Variants in DLGAP1 observed in about 807,000 individuals in gnomAD.
DLGAP1 encodes the protein DLG associated protein 1.
DLGAP1 carries 11 observed loss-of-function variants against 90.8 expected under a neutral mutation model. The observed-to-expected ratio is 0.12, with a 90% CI of 0.08 to 0.20. The LOEUF (loss-of-function observed/expected upper bound fraction) is 0.20, where lower values mean the gene tolerates loss of function less well. Among genes scored for constraint, DLGAP1 ranks in the 10% least tolerant of loss-of-function variants. The pLI, the probability that DLGAP1 is intolerant of heterozygous loss-of-function variation, is 1.00. For missense variants in DLGAP1, 1,050 were observed against 1,333.8 expected, an observed-to-expected ratio of 0.79 and a Z score of 3.31; for synonymous variants, 558 against 540.7, an observed-to-expected ratio of 1.03 and a Z score of -0.44.
intron 1 of DLGAP1, among the ~76,000 whole-genome samples, chr18:4,273,500 T>C (rs551512928): frequency 6.6e-6 from 1 of 152,362 alleles, no homozygotes; most frequent in South Asian, 2.1e-4. Context: ...TGGAGTGCAG[T>C]GGTGAGATCA....
At chr18:3,792,116 G>A (rs1474933550) in intron 5 of DLGAP1, among the ~76,000 whole-genome samples, 1 of 152,124 alleles carries the variant, frequency 6.6e-6, no homozygotes, top group Non-Finnish European at 1.5e-5. Context: ...CCTGTAACCA[G>A]CTGGCCCTGT....
At chr18:3,572,059 T>TTTC (rs1337449169) in intron 8 of DLGAP1, among the ~76,000 whole-genome samples, 14 of 149,708 alleles carry the variant, frequency 9.4e-5, no homozygotes, top group African/African-American at 3.4e-4. Context: ...TTTTCAGTGG[T>TTTC]TTCTTCTAGG....
chr18:3,995,284 C>A (rs1599290022), intron 3 of DLGAP1: 1 of 151,866 alleles, frequency 6.6e-6, no homozygotes, highest in Non-Finnish European at 1.5e-5. Flanking sequence ...GACTGTGCTG[C>A]AAAGAAGCCC....
chr18:3,909,612 T>C (rs2071988662), intron 3 of DLGAP1, among the ~76,000 whole-genome samples: 2 of 152,190 alleles, frequency 1.3e-5, no homozygotes, highest in Non-Finnish European at 2.9e-5. Context: ...TAAAAACTCT[T>C]TCTCTCTTTC....
intron 1 of DLGAP1, among the ~76,000 whole-genome samples, chr18:4,216,246 C>T (rs1343108447): frequency 6.6e-6 from 1 of 151,762 alleles, no homozygotes; most frequent in East Asian, 1.9e-4. Context: ...ATCTCAGTCA[C>T]TATCATGAGA....
chr18:4,412,170 C>A (rs1031525887), intron 1 of DLGAP1, among the ~76,000 whole-genome samples: 1 of 152,144 alleles, frequency 6.6e-6, no homozygotes, highest in Non-Finnish European at 1.5e-5. Flanking sequence ...TCTCAGCCAG[C>A]CCCAGCAAGT....
At chr18:4,400,756 G>C (rs990672308) in intron 1 of DLGAP1, among the ~76,000 whole-genome samples, 4 of 152,250 alleles carry the variant, frequency 2.6e-5, no homozygotes, top group African/African-American at 7.2e-5. Context: ...CAACAGGCAA[G>C]AATACTGATT....
At chr18:4,432,452 T>C (rs2083303939) in intron 1 of DLGAP1, among the ~76,000 whole-genome samples, 2 of 150,400 alleles carry the variant, frequency 1.3e-5, no homozygotes, top group African/African-American at 4.9e-5. Context: ...CCAATAGCTC[T>C]AATTTTAAAA....
chr18:3,833,816 T>G (rs1399775488), intron 4 of DLGAP1, among the ~76,000 whole-genome samples: 1 of 152,198 alleles, frequency 6.6e-6, no homozygotes, highest in Non-Finnish European at 1.5e-5. Flanking sequence ...TTGATACCTT[T>G]ATTAAGATAC....
intron 2 of DLGAP1, among the ~76,000 whole-genome samples, chr18:4,094,811 T>G (rs2075650310): frequency 6.6e-6 from 1 of 152,112 alleles, no homozygotes. Context: ...TTGGCCAGGC[T>G]GGTCTTGAAC....
intron 4 of DLGAP1, among the ~76,000 whole-genome samples, chr18:3,819,521 T>C (rs2067289833): frequency 1.3e-5 from 2 of 152,244 alleles, no homozygotes; most frequent in South Asian, 4.1e-4. Context: ...TTAATGTTCA[T>C]ATTTAGTAAT....
chr18:4,059,996 C>G (rs1009796889), intron 2 of DLGAP1, among the ~76,000 whole-genome samples: 19 of 152,162 alleles, frequency 1.2e-4, no homozygotes, highest in Non-Finnish European at 2.6e-4. Context: ...CACTGGAAGG[C>G]AAACTGCCCC....
At chr18:3,610,326 C>T (rs1052220567) in intron 7 of DLGAP1, among the ~76,000 whole-genome samples, 7 of 152,110 alleles carry the variant, frequency 4.6e-5, no homozygotes, top group Non-Finnish European at 7.3e-5. Context: ...TGAGGCCCTC[C>T]GCCTATCCAG....
At chr18:3,918,310 T>C (rs1296380819) in intron 3 of DLGAP1, among the ~76,000 whole-genome samples, 1 of 152,216 alleles carries the variant, frequency 6.6e-6, no homozygotes, top group East Asian at 1.9e-4. Context: ...GTACGTAAAC[T>C]GAACACGGTA....
intron 3 of DLGAP1, among the ~76,000 whole-genome samples, chr18:3,931,753 T>G (rs1245736557): frequency 6.6e-6 from 1 of 152,114 alleles, no homozygotes; most frequent in Non-Finnish European, 1.5e-5. Context: ...CACAGAGAAT[T>G]TTTTTTAAAT....
rs1389927398 is a variant in DLGAP1, at chr18:3,928,527, G to T, written c.-72-48387C>A. 5.3e-5 allele frequency among the ~76,000 whole-genome samples: 8 copies of T among 152,262 alleles called. No homozygotes were observed. The South Asian group carries it at 1.7e-3, about 32-fold the overall frequency. ...AATAGTGATGATGATAATAAGAATA[G>T]CTCCGTCATATAGAGACCTTATTAT... On this transcript the variant is annotated intron_variant, in intron 3 of 12. Transcript: ENST00000315677.
chr18:4,430,674 G>C (rs1295842530), intron 1 of DLGAP1: 2 of 152,240 alleles, frequency 1.3e-5, no homozygotes, highest in Non-Finnish European at 1.5e-5. Flanking sequence ...ACTTGATGTA[G>C]GGGAGGCTGA....
At chr18:3,932,893 G>A (rs1308019095) in intron 3 of DLGAP1, among the ~76,000 whole-genome samples, 1 of 152,166 alleles carries the variant, frequency 6.6e-6, no homozygotes, top group Non-Finnish European at 1.5e-5. Flanking sequence ...AGCCAGGTAG[G>A]AAAAGCTGGG....
In DLGAP1 at chr18:3,727,139, A is replaced by G. The variant is rs760121206; in HGVS notation, c.1591+1996T>C. Reference sequence around the variant, plus strand: ...CTCATGCAATATTTGGGATATACCTATCCAGCAGAATTATTCACTCTTTAC... The same window carrying G: ...CTCATGCAATATTTGGGATATACCTGTCCAGCAGAATTATTCACTCTTTAC... On this transcript the variant is annotated intron_variant, in intron 7 of 12. Coordinates refer to ENST00000315677, the MANE Select transcript of DLGAP1 (RefSeq NM_004746.4). The surrounding 1 kb of genome is among the most constrained non-coding windows in gnomAD (Gnocchi z 4.7). 4.6e-5 allele frequency among the ~76,000 whole-genome samples: 7 copies of G among 152,228 alleles called. No individual in the cohort carries two copies. The highest frequency in any genetic ancestry group is 8.8e-5 in the Non-Finnish European group (6 of 68,048).
Sources: allele counts gnomAD v4.1 joint callset (sites outside exome capture counted in the v4.1 genomes callset), GRCh38; gene constraint gnomAD v4.1.1; non-coding constraint Gnocchi (gnomAD v3.1); transcripts MANE v1.5; gene names NCBI Gene and HGNC (gene_info 2026-07-23, HGNC 2026-07-21).